Variants in NEK4 observed in about 807,000 individuals in gnomAD.
NEK4 encodes serine/threonine-protein kinase Nek4.
In NEK4, 86 loss-of-function variants were observed where a neutral mutation model predicts 98.4. That is an observed-to-expected ratio of 0.87 (90% CI 0.73 to 1.05). The LOEUF (loss-of-function observed/expected upper bound fraction) is 1.05. Among genes scored for constraint, NEK4 ranks in the 50% least tolerant of loss-of-function variants. The pLI, the probability that NEK4 is intolerant of heterozygous loss-of-function variation, is 0.00. For missense variants in NEK4, 898 were observed against 950.3 expected (o/e 0.94, Z 0.72); for synonymous variants, 328 against 342.2 (o/e 0.96, Z 0.46).
At chr3:52,713,918 A>G (rs1044238946) in intron 15 of NEK4, among the ~76,000 whole-genome samples, 2 of 152,190 alleles carry the variant, frequency 1.3e-5, no homozygotes, top group African/African-American at 4.8e-5. Flanking sequence ...GCATGACACC[A>G]TAAGGAGCTC....
rs138720183 is a variant in NEK4 at position 52,764,230 on chromosome 3, T to A, written c.667-606A>T. On this transcript the variant is annotated intron_variant, in intron 4 of 15. Coordinates refer to ENST00000233027, the MANE Select transcript of NEK4 (RefSeq NM_003157.6). ...TGAACCAGAGAGGTGGAGGTTGCGGTGAGCCGAGATCACGCCACAGCACTC... is the reference window on the plus strand; with the variant it reads ...TGAACCAGAGAGGTGGAGGTTGCGGAGAGCCGAGATCACGCCACAGCACTC... Among the ~76,000 whole-genome samples, 963 of 146,948 alleles carry A rather than the reference T, an allele frequency of 6.6e-3. 10 individuals carry two copies. Among genetic ancestry groups the A allele is most frequent in the African/African-American group, 0.023 (913 of 39,304 alleles).
At chr3:52,743,529 T>G in intron 11 of NEK4, 68 bp from the exon 12 acceptor site, 1 of 1,234,798 alleles carries the variant, frequency 8.1e-7, no homozygotes, top group Non-Finnish European at 1.2e-6. Context: ...GCTTTGTATT[T>G]GGTATGGAAC....
intron 15 of NEK4, among the ~76,000 whole-genome samples, chr3:52,718,933 T>G (rs964144514): frequency 6.6e-6 from 1 of 152,146 alleles, no homozygotes; most frequent in African/African-American, 2.4e-5. Context: ...AATTTTGTAT[T>G]TTTAGTAGAC....
chr3:52,755,368 G>A (rs1466627116), intron 6 of NEK4, among the ~76,000 whole-genome samples: 1 of 151,476 alleles, frequency 6.6e-6, no homozygotes, highest in Non-Finnish European at 1.5e-5. Context: ...TCTAATTAAG[G>A]ACAATGAATT....
In NEK4 at chr3:52,739,299, T is replaced by C. The variant is rs997569457; in HGVS notation, c.2299+130A>G. The C allele has an allele frequency of 2.1e-5, 15 of 711,702 alleles. No homozygotes were observed. In the Admixed American group the frequency reaches 2.9e-4, roughly 14 times the overall value. The allele number at this position is 711,702 out of a possible 1,614,324, so 44.1% of individuals were successfully genotyped here. A position where few individuals can be genotyped will look rare whatever the true frequency, so the allele number is the denominator to read the frequency against. Reference sequence around the variant, plus strand: ...CTGTAGTCCCAGCTACTTGGGAGGCTGAAGCAGGAGAATCGCTTGAACCCG... The same window carrying C: ...CTGTAGTCCCAGCTACTTGGGAGGCCGAAGCAGGAGAATCGCTTGAACCCG... On this transcript the variant is annotated intron_variant, in intron 14 of 15. Transcript: ENST00000233027.
chr3:52,766,007 A>G lies in NEK4; in HGVS notation c.559-13T>C. The G allele has an allele frequency of 6.4e-7, 1 of 1,561,754 alleles. No individual in the cohort carries two copies. Among genetic ancestry groups the G allele is most frequent in the Non-Finnish European group, 8.8e-7 (1 of 1,135,204 alleles). ...CCCAAACATCAGACTAGAAAATAAAAACAGTAAACGGTTAAATGTCAGAAT... is the reference window on the plus strand; with the variant it reads ...CCCAAACATCAGACTAGAAAATAAAGACAGTAAACGGTTAAATGTCAGAAT... On this transcript the variant is annotated splice_polypyrimidine_tract_variant and intron_variant, in intron 3 of 15. Transcript: ENST00000233027.
chr3:52,742,999 G>A (rs1161633702), intron 12 of NEK4, among the ~76,000 whole-genome samples: 1 of 151,998 alleles, frequency 6.6e-6, no homozygotes, highest in East Asian at 1.9e-4. Context: ...TGCCCAGATT[G>A]ATCTCAAACT....
chr3:52,746,925 A>G, intron 8 of NEK4, 21 bp from the exon 9 acceptor site: 1 of 1,580,262 alleles, frequency 6.3e-7, no homozygotes, highest in East Asian at 2.2e-5. Flanking sequence ...ATAAAATGAC[A>G]TTTTAAAGTA....
chr3:52,753,813 C>A, intron 6 of NEK4: 1 of 467,254 alleles, frequency 2.1e-6, no homozygotes, highest in Non-Finnish European at 4.3e-6. Context: ...TATGTGCAGC[C>A]ATCTTATCCC....
At position 52,710,849 on chromosome 3, in the gene NEK4, T is replaced by G. The variant is rs150985010; in HGVS notation, c.*928A>C. The G allele has an allele frequency of 1.3e-5, 2 of 152,374 alleles. No individual in the cohort carries two copies. Among genetic ancestry groups the G allele is most frequent in the East Asian group, 3.9e-4 (2 of 5,182 alleles). 9.4% of individuals were successfully genotyped at this position (152,374 alleles called of 1,614,324 possible). ...GAAGTGAAAATGTACTATTCAAGAC[T>G]TGTATTTAACTTCATAAAATTTCTT... On this transcript the variant is annotated 3_prime_UTR_variant, in exon 16 of 16. Coordinates refer to ENST00000233027, the MANE Select transcript of NEK4 (RefSeq NM_003157.6).
At chr3:52,752,553 C>T (rs745590741) in intron 6 of NEK4, among the ~76,000 whole-genome samples, 1 of 151,954 alleles carries the variant, frequency 6.6e-6, no homozygotes, top group Non-Finnish European at 1.5e-5. Flanking sequence ...TTAAAATAGT[C>T]AAAAGGCGGA....
chr3:52,752,524 A>G lies in NEK4; in HGVS notation c.964-188T>C, dbSNP rs993395109. The stretch of plus-strand genomic sequence containing the variant: ...ATTTAAGTTAAGTATTTGTACACCA[A>G]TGTTTACAGCAGCTTTATTTAAAAT... On this transcript the variant is annotated intron_variant, in intron 6 of 15. Transcript: ENST00000233027. 1.1e-4 allele frequency among the ~76,000 whole-genome samples: 17 copies of G among 152,234 alleles called. 1 individual carries two copies. Among genetic ancestry groups the G allele is most frequent in the Admixed American group, 1.1e-3 (17 of 15,278 alleles).
At chr3:52,718,953 C>T (rs2097357684) in intron 15 of NEK4, among the ~76,000 whole-genome samples, 1 of 152,164 alleles carries the variant, frequency 6.6e-6, no homozygotes, top group Non-Finnish European at 1.5e-5. Flanking sequence ...CACAGGGTTT[C>T]TCCATGTTGG....
chr3:52,752,114 C>T lies in NEK4; in HGVS notation c.1186G>A (p.Glu396Lys). Residue 396 changes from glutamate (E) to lysine (K), a missense_variant, in exon 7 of 16, where the codon GAG (glutamate) becomes AAG (lysine). Physicochemically the swap from Glu to Lys is moderately conservative, Grantham distance 56. Coordinates refer to ENST00000233027, the MANE Select transcript of NEK4 (RefSeq NM_003157.6). ...GAAATACTGCATATACCTCCTAACT[C>T]ATTAGAGGCATCCAAATATCTTGGC... ...NQPRYLDASNELGGICSISQV... is the reference protein window; with the variant it reads ...NQPRYLDASNKLGGICSISQV... The T allele has an allele frequency of 6.2e-7, 1 of 1,614,152 alleles. No individual in the cohort carries two copies. Among genetic ancestry groups the T allele is most frequent in the Non-Finnish European group, 8.5e-7 (1 of 1,179,982 alleles).
At chr3:52,734,666 C>CAAAAA (rs59075830) in intron 15 of NEK4, 81 of 71,228 alleles carry the variant, frequency 1.1e-3, no homozygotes, top group Non-Finnish European at 1.6e-3. Context: ...GACTCCGTCT[C>CAAAAA]AAAAAAAAAA....
At chr3:52,763,648 A>G (rs762123731) in intron 4 of NEK4, 24 bp from the exon 5 acceptor site, 93 of 1,536,742 alleles carry the variant, frequency 6.1e-5, no homozygotes, top group Non-Finnish European at 8.1e-5. Flanking sequence ...TAATATTGTA[A>G]TTATGACTAA....
At chr3:52,758,636 A>C (rs1263573903) in intron 6 of NEK4, among the ~76,000 whole-genome samples, 3 of 152,004 alleles carry the variant, frequency 2.0e-5, no homozygotes, top group Non-Finnish European at 4.4e-5. Flanking sequence ...GTGAAAAAAC[A>C]AAAGAAATTT....
intron 15 of NEK4, among the ~76,000 whole-genome samples, chr3:52,737,010 C>T (rs1038889774): frequency 6.6e-6 from 1 of 152,144 alleles, no homozygotes; most frequent in Admixed American, 6.5e-5. Context: ...AATCTCAGCT[C>T]ACTGCAACCT....
chr3:52,746,078 C>T lies in NEK4; in HGVS notation c.1810G>A (p.Glu604Lys). Residue 604 changes from glutamate (E) to lysine (K), a missense_variant, in exon 10 of 16, where the codon GAG becomes AAG. Glu to Lys is a moderately conservative substitution (Grantham distance 56, BLOSUM62 1). Transcript: ENST00000233027. ...CCACAAACCTTTGATGATGACATCT[C>T]ACTGCTCCTTGAACTGCTCACAGAC... ...TGSVSSSRSS[E>K]MSSSKDRPLS... 1 of 1,613,888 alleles carries T rather than the reference C, an allele frequency of 6.2e-7. No homozygotes were observed. The highest frequency in any genetic ancestry group is 8.5e-7 in the Non-Finnish European group (1 of 1,179,970).
Sources: allele counts gnomAD v4.1 joint callset (sites outside exome capture counted in the v4.1 genomes callset), GRCh38; gene constraint gnomAD v4.1.1; transcripts MANE v1.5; gene names NCBI Gene and HGNC (gene_info 2026-07-23, HGNC 2026-07-21).